KSR2: variants seen among roughly 807,000 people sequenced by gnomAD.
KSR2 encodes the protein kinase suppressor of ras 2.
A neutral mutation model predicts 107.8 loss-of-function variants in KSR2; 25 were observed. The observed-to-expected ratio is 0.23, with a 90% confidence interval of 0.17 to 0.32. KSR2 has a LOEUF of 0.32. Ranked by LOEUF, KSR2 falls within the 10% of genes least tolerant of loss-of-function variation. The pLI is 1.00. For missense variants in KSR2, 887 were observed against 1,268.9 expected (o/e 0.70, Z 4.57); for synonymous variants, 480 against 507.0 (o/e 0.95, Z 0.71).
chr12:117,661,303 C>T lies in KSR2; in HGVS notation c.1171+6171G>A, dbSNP rs1231303582. 2.0e-5 allele frequency among the ~76,000 whole-genome samples: 3 copies of T among 152,048 alleles called. No individual in the cohort carries two copies. In the East Asian group the frequency reaches 5.8e-4, roughly 29 times the overall value. Reference sequence around the variant, plus strand: ...ATTGCTCTAAAGGATACTATTGGGGCAATTGCTGAAATTGGAATCTGGTGA... The same window carrying T: ...ATTGCTCTAAAGGATACTATTGGGGTAATTGCTGAAATTGGAATCTGGTGA... On this transcript the variant is annotated intron_variant, in intron 5 of 19. Coordinates refer to ENST00000339824, the MANE Select transcript of KSR2 (RefSeq NM_173598.6).
intron 1 of KSR2, among the ~76,000 whole-genome samples, chr12:117,933,829 C>T (rs538062052): frequency 1.3e-5 from 2 of 152,188 alleles, no homozygotes; most frequent in South Asian, 2.1e-4. Context: ...CTTGCCCAAG[C>T]GACACACAGC....
chr12:117,844,658 C>G lies in KSR2; in HGVS notation c.472+10770G>C, dbSNP rs184969910. On this transcript the variant is annotated intron_variant, in intron 3 of 19. Coordinates refer to ENST00000339824, the MANE Select transcript of KSR2 (RefSeq NM_173598.6). ...TTTGCATATGCAACCTATGAAGTAA[C>G]ATAAAGAAATAAGTACACACACCCA... Among the ~76,000 whole-genome samples, 70 of 152,204 alleles carry G rather than the reference C, an allele frequency of 4.6e-4. 1 individual carries two copies. The highest frequency in any genetic ancestry group is 1.6e-3 in the African/African-American group (68 of 41,528).
At chr12:117,774,405 C>G (rs1182987263) in intron 3 of KSR2, among the ~76,000 whole-genome samples, 3 of 152,052 alleles carry the variant, frequency 2.0e-5, no homozygotes, top group Non-Finnish European at 2.9e-5. Context: ...TCAGCAGAAC[C>G]CTGGGTCTCG....
intron 1 of KSR2, among the ~76,000 whole-genome samples, chr12:117,959,612 T>C (rs1896604488): frequency 6.6e-6 from 1 of 152,024 alleles, no homozygotes; most frequent in Non-Finnish European, 1.5e-5. Context: ...TAACCCCTGG[T>C]TCAAAGGGCT....
In KSR2 at chr12:117,967,407, TC is replaced by T. The variant is rs200918615; in HGVS notation, c.180+668del. On this transcript the variant is annotated intron_variant, in intron 1 of 19. Coordinates refer to ENST00000339824, the MANE Select transcript of KSR2 (RefSeq NM_173598.6). ...GTGCTGATTGAGGCATATTTTTTTT[TC>T]CCTTTTGTACGTTTTAGGCCTGCAA... Among the ~76,000 whole-genome samples, 6 of 152,248 alleles carry T rather than the reference TC, an allele frequency of 3.9e-5. No homozygotes were observed. The East Asian group carries it at 5.8e-4, about 15-fold the overall frequency.
chr12:117,530,018 C>G (rs1267282966), intron 12 of KSR2, among the ~76,000 whole-genome samples: 1 of 151,994 alleles, frequency 6.6e-6, no homozygotes, highest in African/African-American at 2.4e-5. Flanking sequence ...GAGACTCTGT[C>G]TCAAAACAAA....
At chr12:117,643,180 C>T (rs1008502144) in intron 5 of KSR2, among the ~76,000 whole-genome samples, 5 of 152,210 alleles carry the variant, frequency 3.3e-5, no homozygotes, top group Non-Finnish European at 5.9e-5. Flanking sequence ...GTGACTCACA[C>T]CTGTGGTCCC....
intron 9 of KSR2, among the ~76,000 whole-genome samples, chr12:117,542,845 T>G (rs559880460): frequency 2.0e-5 from 3 of 152,246 alleles, no homozygotes; most frequent in Non-Finnish European, 2.9e-5. Context: ...AGTGGAATCA[T>G]ACAGTATGTA....
At chr12:117,904,069 A>C (rs1894768772) in intron 1 of KSR2, among the ~76,000 whole-genome samples, 1 of 152,240 alleles carries the variant, frequency 6.6e-6, no homozygotes, top group African/African-American at 2.4e-5. Context: ...TGTCTCTAAA[A>C]AAAAAATGAA....
At chr12:117,765,716 A>G (rs1220315365) in intron 3 of KSR2, among the ~76,000 whole-genome samples, 1 of 152,202 alleles carries the variant, frequency 6.6e-6, no homozygotes, top group African/African-American at 2.4e-5. Context: ...TCTAGAGGGA[A>G]AGAAAGCAGG....
At chr12:117,731,912 T>A (rs4554974) in intron 4 of KSR2, among the ~76,000 whole-genome samples, 12,621 of 112,544 alleles carry the variant, frequency 0.11, 1,634 homozygotes, top group East Asian at 0.4. Context: ...GGCCGCAGGG[T>A]CCTGTGCCTA....
At position 117,458,256 on chromosome 12, in the gene KSR2, A is replaced by T. The variant is rs1194622566; in HGVS notation, c.*8943T>A. 1 of 152,156 alleles carries T rather than the reference A, an allele frequency of 6.6e-6. No individual in the cohort carries two copies. The highest frequency in any genetic ancestry group is 1.9e-4 in the East Asian group (1 of 5,198). 9.4% of individuals were successfully genotyped at this position (152,156 alleles called of 1,614,324 possible). A position where few individuals can be genotyped will look rare whatever the true frequency, so the allele number is the denominator to read the frequency against. On this transcript the variant is annotated 3_prime_UTR_variant, in exon 20 of 20. Transcript: ENST00000339824. ...CAAAGACCTCTCTTCTACCTTGTTCATCCTGTCGCCCACCACTCAGAAAAG... is the reference window on the plus strand; with the variant it reads ...CAAAGACCTCTCTTCTACCTTGTTCTTCCTGTCGCCCACCACTCAGAAAAG...
intron 5 of KSR2, among the ~76,000 whole-genome samples, chr12:117,625,554 G>A (rs73604130): frequency 1.1e-4 from 16 of 152,250 alleles, no homozygotes; most frequent in Admixed American, 3.9e-4. Context: ...GGATGAAGCC[G>A]ACTTAATCGT....
intron 14 of KSR2, among the ~76,000 whole-genome samples, chr12:117,518,534 C>T (rs534080462): frequency 2.8e-4 from 43 of 152,320 alleles, no homozygotes; most frequent in African/African-American, 9.4e-4. Flanking sequence ...CTATTCTAAC[C>T]CATATGCATT....
At chr12:117,925,702 G>A (rs1316766058) in intron 1 of KSR2, among the ~76,000 whole-genome samples, 1 of 152,112 alleles carries the variant, frequency 6.6e-6, no homozygotes, top group Non-Finnish European at 1.5e-5. Flanking sequence ...TGATAGGTAG[G>A]TCTAGTATGG....
At chr12:117,551,412 T>A (rs554993551) in intron 9 of KSR2, among the ~76,000 whole-genome samples, 2 of 152,282 alleles carry the variant, frequency 1.3e-5, no homozygotes, top group South Asian at 4.1e-4. Flanking sequence ...ATATCATACA[T>A]CTAATCCTGT....
At chr12:117,909,856 C>G (rs1263834688) in intron 1 of KSR2, among the ~76,000 whole-genome samples, 1 of 150,346 alleles carries the variant, frequency 6.7e-6, no homozygotes, top group East Asian at 2.0e-4. Context: ...TGCAGTGAGT[C>G]GAGATCACGC....
intron 14 of KSR2, among the ~76,000 whole-genome samples, chr12:117,491,593 C>T (rs904889186): frequency 1.2e-4 from 19 of 152,146 alleles, no homozygotes; most frequent in African/African-American, 2.7e-4. Context: ...AATAATACTC[C>T]GCCGCATTTA....
At chr12:117,525,630 G>A (rs1348095215) in intron 13 of KSR2, among the ~76,000 whole-genome samples, 10 of 152,294 alleles carry the variant, frequency 6.6e-5, no homozygotes, top group African/African-American at 1.2e-4. Flanking sequence ...TTGAATATCC[G>A]ATGGCCTTCC....
Sources: allele counts gnomAD v4.1 joint callset (sites outside exome capture counted in the v4.1 genomes callset), GRCh38; gene constraint gnomAD v4.1.1; transcripts MANE v1.5; gene names NCBI Gene and HGNC (gene_info 2026-07-23, HGNC 2026-07-21).